The following STC1 variants were observed in gnomAD, a reference collection of about 807,000 sequenced individuals.
STC1 encodes stanniocalcin 1, also known as stanniocalcin-1.
STC1 carries 7 observed loss-of-function variants against 22.6 expected under a neutral mutation model. That is an observed-to-expected ratio of 0.31 (90% CI 0.18 to 0.58). The LOEUF is 0.58. Among genes scored for constraint, STC1 ranks in the 20% least tolerant of loss-of-function variants. STC1 has a pLI of 0.89. For synonymous variants in STC1, 113 were observed against 120.7 expected (o/e 0.94, Z 0.42); for missense variants, 224 against 311.0 (o/e 0.72, Z 2.10).
Position 23,851,459 on chromosome 8 carries a change from G to A in STC1, c.334C>T (p.Arg112Trp), listed in dbSNP as rs1307541175. Residue 112 changes from arginine to tryptophan, a missense_variant, in exon 3 of 4, where the codon CGG becomes TGG. Transcript: ENST00000290271. Reference sequence around the variant, plus strand: ...ATCCTTTGGAAAGTGGAGCACCTCCGAATGGCGAGGAAGACCTTGGAGGTG... The same window carrying A: ...ATCCTTTGGAAAGTGGAGCACCTCCAAATGGCGAGGAAGACCTTGGAGGTG... ...GVTSKVFLAI[R>W]RCSTFQRMIA... 5.0e-6 allele frequency: 8 copies of A among 1,614,002 alleles called. No individual in the cohort carries two copies. Among genetic ancestry groups the A allele is most frequent in the African/African-American group, 2.7e-5 (2 of 74,880 alleles).
At chr8:23,852,955 C>T (rs1383508738) in intron 1 of STC1, among the ~76,000 whole-genome samples, 2 of 152,010 alleles carry the variant, frequency 1.3e-5, no homozygotes, top group African/African-American at 2.4e-5. Context: ...AAATCTGATC[C>T]GTTCATGTTT....
intron 3 of STC1, among the ~76,000 whole-genome samples, chr8:23,847,112 G>T (rs1802582676): frequency 6.6e-6 from 1 of 152,206 alleles, no homozygotes; most frequent in Admixed American, 6.5e-5. Flanking sequence ...TGAGTCCCCA[G>T]ATAGGCTGGA....
rs1369490984 is a variant in STC1 at position 23,854,703 on chromosome 8, T to TCCGCTGCTGCTGCTGCTGCCG, written c.-201_-181dup. The TCCGCTGCTGCTGCTGCTGCCG allele has an allele frequency of 3.9e-4, 270 of 701,202 alleles. No homozygotes were observed. Among genetic ancestry groups the TCCGCTGCTGCTGCTGCTGCCG allele is most frequent in the African/African-American group, 1.1e-3 (63 of 56,420 alleles). The allele number at this position is 701,202 out of a possible 1,614,324, so 43.4% of individuals were successfully genotyped here. ...TGATGCTGCTGCTGCCACCGGTGCCTCCGCTGCTGCTGCTGCTGCCGCCGC... is the reference window on the plus strand; with the variant it reads ...TGATGCTGCTGCTGCCACCGGTGCCTCCGCTGCTGCTGCTGCTGCCGCCGCTGCTGCTGCTGCTGCCGCCGC... On this transcript the variant is annotated 5_prime_UTR_variant, in exon 1 of 4. Coordinates refer to ENST00000290271, the MANE Select transcript of STC1 (RefSeq NM_003155.3).
rs1802533384 is a variant in STC1 at position 23,843,125 on chromosome 8, G to GT, written c.*1644_*1645insA. 1 of 152,486 alleles carries GT rather than the reference G, an allele frequency of 6.6e-6. No individual in the cohort carries two copies. The highest frequency in any genetic ancestry group is 1.5e-5 in the Non-Finnish European group (1 of 68,142). 9.4% of individuals were successfully genotyped at this position (152,486 alleles called of 1,614,324 possible). On this transcript the variant is annotated 3_prime_UTR_variant, in exon 4 of 4. Coordinates refer to ENST00000290271, the MANE Select transcript of STC1 (RefSeq NM_003155.3). ...CCCCTCCTCCCTCTCTTCCTCTCTT[G>GT]ACATTGACCTTTGGTGGGCAGTGAC...
intron 3 of STC1, among the ~76,000 whole-genome samples, chr8:23,849,484 G>A (rs1452243707): frequency 6.6e-6 from 1 of 151,988 alleles, no homozygotes; most frequent in East Asian, 1.9e-4. Flanking sequence ...CTTTCTTTGT[G>A]ACCATTTTCT....
chr8:23,846,689 G>T (rs984929519), intron 3 of STC1, among the ~76,000 whole-genome samples: 2 of 152,146 alleles, frequency 1.3e-5, no homozygotes, highest in African/African-American at 2.4e-5. Context: ...CAGTGTCTTG[G>T]TTGCTGACAC....
Position 23,854,331 on chromosome 8 carries a change from GAC to G in STC1, c.118+73_118+74del, listed in dbSNP as rs1405257869. 3 of 1,315,376 alleles carry G rather than the reference GAC, an allele frequency of 2.3e-6. No individual in the cohort carries two copies. The Admixed American group carries it at 5.2e-5, about 23-fold the overall frequency. The allele number at this position is 1,315,376 out of a possible 1,614,324, so 81.5% of individuals were successfully genotyped here. On this transcript the variant is annotated intron_variant, in intron 1 of 3. Transcript: ENST00000290271. ...TTTATTATCAAGATCAGCCGTCACA[GAC>G]ACAGTTGCAAAAGGGAGAGGCAAAT...
rs1243817063 is a variant in STC1, at chr8:23,854,674, C to T, written c.-151G>A. On this transcript the variant is annotated 5_prime_UTR_variant, in exon 1 of 4. Coordinates refer to ENST00000290271, the MANE Select transcript of STC1 (RefSeq NM_003155.3). ...TGAGGATTTTTTTTTGTTGTTGTTG[C>T]TGGTGATGCTGCTGCTGCCACCGGT... is the stretch of plus-strand genomic sequence containing the variant. The T allele has an allele frequency of 1.3e-5, 10 of 777,048 alleles. No individual in the cohort carries two copies. The highest frequency in any genetic ancestry group is 2.3e-5 in the Non-Finnish European group (10 of 439,026). 48.1% of individuals were successfully genotyped at this position (777,048 alleles called of 1,614,324 possible).
At position 23,854,767 on chromosome 8, in the gene STC1, CTG is replaced by C; in HGVS notation, c.-246_-245del. ...GCCACCGCCGCTGCTGCTGCTGCTG[CTG>C]CAGTCGCTGCTTCTTGCACCTCTGG... On this transcript the variant is annotated 5_prime_UTR_variant, in exon 1 of 4. Coordinates refer to ENST00000290271, the MANE Select transcript of STC1 (RefSeq NM_003155.3). 3.3e-6 allele frequency: 2 copies of C among 608,292 alleles called. No homozygotes were observed. Among genetic ancestry groups the C allele is most frequent in the Non-Finnish European group, 3.1e-6 (1 of 327,292 alleles). The allele number at this position is 608,292 out of a possible 1,614,324, so 37.7% of individuals were successfully genotyped here.
intron 3 of STC1, among the ~76,000 whole-genome samples, chr8:23,848,465 G>A (rs1802597771): frequency 6.8e-6 from 1 of 146,332 alleles, no homozygotes; most frequent in South Asian, 2.2e-4. Context: ...CCAGGAGATG[G>A]AGGTTGCAGT....
chr8:23,844,633 T>C lies in STC1; in HGVS notation c.*137A>G. 7.1e-6 allele frequency: 7 copies of C among 990,596 alleles called. No individual in the cohort carries two copies. Among genetic ancestry groups the C allele is most frequent in the South Asian group, 1.7e-5 (1 of 57,910 alleles). The allele number at this position is 990,596 out of a possible 1,614,324, so 61.4% of individuals were successfully genotyped here. ...TATTGATTACAGAAGCCTAGTTTCA[T>C]GCAATTTTCTTTAAGGGGGATAGAA... On this transcript the variant is annotated 3_prime_UTR_variant, in exon 4 of 4. Transcript: ENST00000290271.
chr8:23,850,973 A>G (rs112378057), intron 3 of STC1, among the ~76,000 whole-genome samples: 281 of 136,160 alleles, frequency 2.1e-3, no homozygotes, highest in African/African-American at 7.3e-3. Flanking sequence ...TCATGGTTTC[A>G]GCCAAATCTG....
chr8:23,852,129 G>T, intron 2 of STC1, 113 bp downstream of exon 2: 1 of 1,270,188 alleles, frequency 7.9e-7, no homozygotes, highest in Non-Finnish European at 1.1e-6. Context: ...AATTTAGAGT[G>T]GGGAAGCTGA....
At chr8:23,849,266 G>T (rs1802608482) in intron 3 of STC1, among the ~76,000 whole-genome samples, 2 of 152,218 alleles carry the variant, frequency 1.3e-5, no homozygotes, top group South Asian at 4.1e-4. Flanking sequence ...GTCTCAGGAA[G>T]GTGAGCAGCT....
rs754621481 is a variant in STC1, at chr8:23,851,306, G to T, written c.473+14C>A. On this transcript the variant is annotated intron_variant, in intron 3 of 3. Coordinates refer to ENST00000290271, the MANE Select transcript of STC1 (RefSeq NM_003155.3). Reference sequence around the variant, plus strand: ...CCAGTCCCCTGATTGTGAAAAAGTAGACTCAGTTTGTACCTGTTGGAGAAG... The same window carrying T: ...CCAGTCCCCTGATTGTGAAAAAGTATACTCAGTTTGTACCTGTTGGAGAAG... 1.3e-5 allele frequency: 21 copies of T among 1,613,742 alleles called. No individual in the cohort carries two copies. The highest frequency in any genetic ancestry group is 1.8e-5 in the Non-Finnish European group (21 of 1,179,854).
rs566605139 is a variant in STC1, at chr8:23,844,577, G to T, written c.*193C>A. 1 of 652,264 alleles carries T rather than the reference G, an allele frequency of 1.5e-6. No individual in the cohort carries two copies. The highest frequency in any genetic ancestry group is 2.1e-5 in the South Asian group (1 of 47,712). 40.4% of individuals were successfully genotyped at this position (652,264 alleles called of 1,614,324 possible). ...CAGAATGGTCACATGGATTTTGTTG[G>T]TGGGAATGCTGCCATTGCAGAATGT... On this transcript the variant is annotated 3_prime_UTR_variant, in exon 4 of 4. Transcript: ENST00000290271.
Position 23,844,962 on chromosome 8 carries a change from C to T in STC1, c.552G>A (p.Glu184=). 1 of 1,614,170 alleles carries T rather than the reference C, an allele frequency of 6.2e-7. No homozygotes were observed. Among genetic ancestry groups the T allele is most frequent in the Non-Finnish European group, 8.5e-7 (1 of 1,180,038 alleles). ...TVSTIRDSLM[E]KIGPNMASLF... ...GGCTGGCCATGTTAGGCCCAATTTTCTCCATCAGGCTGTCTCTGATTGTGC... is the reference window on the plus strand; with the variant it reads ...GGCTGGCCATGTTAGGCCCAATTTTTTCCATCAGGCTGTCTCTGATTGTGC... The change falls in exon 4 of 4, where the codon GAG becomes GAA. Residue 184 remains glutamate, a synonymous_variant. Transcript: ENST00000290271.
intron 3 of STC1, among the ~76,000 whole-genome samples, chr8:23,849,147 G>T (rs1802607265): frequency 6.6e-6 from 1 of 152,226 alleles, no homozygotes; most frequent in African/African-American, 2.4e-5. Context: ...TGCTAGATAA[G>T]TCACAGGAAG....
At position 23,844,397 on chromosome 8, in the gene STC1, T is replaced by G. The variant is rs1802546409; in HGVS notation, c.*373A>C. 1 of 242,720 alleles carries G rather than the reference T, an allele frequency of 4.1e-6. No individual in the cohort carries two copies. Among genetic ancestry groups the G allele is most frequent in the Admixed American group, 5.0e-5 (1 of 20,080 alleles). The allele number at this position is 242,720 out of a possible 1,614,324, so 15.0% of individuals were successfully genotyped here. ...ATAAAGTTTCCTTATCAGCTAACTC[T>G]ACTGGGGCAACCGTTCTAAAGGGAT... On this transcript the variant is annotated 3_prime_UTR_variant, in exon 4 of 4. Coordinates refer to ENST00000290271, the MANE Select transcript of STC1 (RefSeq NM_003155.3).
Sources: allele counts gnomAD v4.1 joint callset (sites outside exome capture counted in the v4.1 genomes callset), GRCh38; gene constraint gnomAD v4.1.1; transcripts MANE v1.5; gene names NCBI Gene and HGNC (gene_info 2026-07-23, HGNC 2026-07-21).